The following IL16 variants were observed in gnomAD, a reference collection of about 807,000 sequenced individuals.
IL16 encodes the protein pro-interleukin-16.
Under a neutral mutation model 110.1 loss-of-function variants are expected in IL16, and 67 were observed. The ratio of observed to expected loss-of-function variants is 0.61; its 90% CI spans 0.50 to 0.75. The LOEUF is 0.75. Among genes scored for constraint, IL16 ranks in the 30% least tolerant of loss-of-function variants. The pLI, the probability that IL16 is intolerant of heterozygous loss-of-function variation, is 0.00. For missense variants in IL16, 1,545 were observed against 1,655.0 expected, an observed-to-expected ratio of 0.93 and a Z score of 1.15; for synonymous variants, 689 against 662.9, an observed-to-expected ratio of 1.04 and a Z score of -0.61.
At chr15:81,243,474 C>A (rs2142110484) in intron 2 of IL16, among the ~76,000 whole-genome samples, 1 of 152,032 alleles carries the variant, frequency 6.6e-6, no homozygotes, top group East Asian at 1.9e-4. Context: ...CATGAGCCAC[C>A]ATGTCTGGCC....
intron 4 of IL16, among the ~76,000 whole-genome samples, chr15:81,266,670 C>T (rs951029167): frequency 6.6e-6 from 1 of 152,188 alleles, no homozygotes; most frequent in African/African-American, 2.4e-5. Flanking sequence ...CCCCAGCCTT[C>T]AAAAACCTTC....
At chr15:81,207,060 C>A (rs1238187946) in intron 1 of IL16, among the ~76,000 whole-genome samples, 4 of 145,236 alleles carry the variant, frequency 2.8e-5, no homozygotes, top group African/African-American at 5.6e-5. Context: ...GGTGAAACCC[C>A]GTCTCTACTA....
At chr15:81,235,663 G>T (rs530829488) in intron 2 of IL16, among the ~76,000 whole-genome samples, 1 of 152,256 alleles carries the variant, frequency 6.6e-6, no homozygotes, top group East Asian at 1.9e-4. Flanking sequence ...AATGTGAGCA[G>T]GTCACAAAGT....
intron 1 of IL16, among the ~76,000 whole-genome samples, chr15:81,211,124 A>T (rs866642111): frequency 6.6e-6 from 1 of 152,148 alleles, no homozygotes; most frequent in Admixed American, 6.6e-5. Context: ...CATTGGTGCA[A>T]TCATCGCGCA....
intron 1 of IL16, among the ~76,000 whole-genome samples, chr15:81,198,373 C>T (rs1318107752): frequency 6.6e-6 from 1 of 152,064 alleles, no homozygotes; most frequent in Non-Finnish European, 1.5e-5. Context: ...TCCCAGGACC[C>T]AAACCCAGCT....
At chr15:81,304,823 C>A (rs1900471237) in intron 16 of IL16, among the ~76,000 whole-genome samples, 1 of 152,100 alleles carries the variant, frequency 6.6e-6, no homozygotes, top group Non-Finnish European at 1.5e-5. Context: ...TTTTCTAACA[C>A]CAAAACAATT....
chr15:81,285,010 C>G (rs1446366299), intron 9 of IL16, among the ~76,000 whole-genome samples: 1 of 152,110 alleles, frequency 6.6e-6, no homozygotes, highest in Non-Finnish European at 1.5e-5. Context: ...CTCAATTTCC[C>G]TATCTAGGTC....
intron 2 of IL16, among the ~76,000 whole-genome samples, chr15:81,229,372 A>AG (rs1253808853): frequency 6.6e-6 from 1 of 152,042 alleles, no homozygotes; most frequent in Non-Finnish European, 1.5e-5. Context: ...GAATGGGCAG[A>AG]GGGATATGGG....
At chr15:81,221,919 C>T (rs774243649) in intron 1 of IL16, among the ~76,000 whole-genome samples, 6 of 152,182 alleles carry the variant, frequency 3.9e-5, no homozygotes, top group Admixed American at 1.3e-4. Context: ...AGCACAGTTT[C>T]CACCAAGGAA....
At chr15:81,211,503 C>T (rs1375729774) in intron 1 of IL16, among the ~76,000 whole-genome samples, 2 of 152,226 alleles carry the variant, frequency 1.3e-5, no homozygotes, top group Non-Finnish European at 2.9e-5. Context: ...CCACCCACCT[C>T]AGCCTCCCAA....
At chr15:81,192,077 A>G (rs1005487486), upstream of IL16, among the ~76,000 whole-genome samples, 2 of 152,226 alleles carry the variant, frequency 1.3e-5, no homozygotes, top group African/African-American at 4.8e-5. Context: ...CAGAACCCAT[A>G]GAACTGCACA....
At chr15:81,283,492 C>T (rs972588550) in intron 9 of IL16, among the ~76,000 whole-genome samples, 3 of 152,168 alleles carry the variant, frequency 2.0e-5, no homozygotes, top group East Asian at 3.8e-4. Context: ...CTCAGACGCC[C>T]GGACCCAGAC....
intron 16 of IL16, 163 bp from the exon 17 acceptor site, chr15:81,305,745 T>C: frequency 1.3e-6 from 1 of 768,312 alleles, no homozygotes; most frequent in South Asian, 1.8e-5. Context: ...AAGGAGGGAA[T>C]GCTGGCCTCT....
intron 1 of IL16, among the ~76,000 whole-genome samples, chr15:81,191,836 G>A (rs766740589): frequency 8.5e-5 from 13 of 152,182 alleles, no homozygotes; most frequent in Non-Finnish European, 1.5e-4. Context: ...AGAAGGCCAG[G>A]GTGGCTGTGG....
At chr15:81,301,318 CT>C in intron 14 of IL16, 25 bp from the exon 15 acceptor site, 2 of 1,578,904 alleles carry the variant, frequency 1.3e-6, no homozygotes, top group Non-Finnish European at 1.7e-6. Context: ...GTTGTTCATA[CT>C]GTGTGTTGTT....
At chr15:81,248,287 T>C (rs1168922390) in intron 2 of IL16, among the ~76,000 whole-genome samples, 1 of 152,050 alleles carries the variant, frequency 6.6e-6, no homozygotes, top group African/African-American at 2.4e-5. Context: ...TTCTATCTAG[T>C]TTTTATTCTT....
At chr15:81,245,196 G>T (rs1198398733) in intron 2 of IL16, among the ~76,000 whole-genome samples, 1 of 151,994 alleles carries the variant, frequency 6.6e-6, no homozygotes, top group African/African-American at 2.4e-5. Context: ...ATATTTCTGG[G>T]GTTTGGTATG....
intron 4 of IL16, among the ~76,000 whole-genome samples, chr15:81,266,221 C>T (rs1370782902): frequency 4.6e-5 from 7 of 152,234 alleles, no homozygotes; most frequent in African/African-American, 1.7e-4. Context: ...ACAGCTGGGA[C>T]TTCAAGTCTG....
chr15:81,208,313 A>G (rs1352047294), intron 1 of IL16, among the ~76,000 whole-genome samples: 1 of 152,036 alleles, frequency 6.6e-6, no homozygotes, highest in Non-Finnish European at 1.5e-5. Flanking sequence ...ATTTTCTCTC[A>G]TTCTGTAGGT....
Sources: gnomAD v4.1 joint callset for allele counts (sites outside exome capture counted in the v4.1 genomes callset) on GRCh38, gnomAD v4.1.1 for gene constraint, MANE v1.5 for transcripts, NCBI Gene and HGNC (gene_info 2026-07-23, HGNC 2026-07-21) for gene names.